Variants in GRM8 observed in about 807,000 individuals in gnomAD.
The protein encoded by GRM8 is glutamate metabotropic receptor 8.
In GRM8, 47 loss-of-function variants were observed where a neutral mutation model predicts 87.2. The observed-to-expected ratio is 0.54, with a 90% CI of 0.43 to 0.69. The LOEUF (loss-of-function observed/expected upper bound fraction) is 0.69. Ranked by LOEUF, GRM8 falls within the 30% of genes least tolerant of loss-of-function variation. The pLI is 0.00. For missense variants in GRM8, 1,019 were observed against 1,139.2 expected (o/e 0.89, Z 1.52); for synonymous variants, 396 against 404.5 (o/e 0.98, Z 0.25).
chr7:126,483,110 T>C (rs1216173785), intron 9 of GRM8, among the ~76,000 whole-genome samples: 1 of 147,884 alleles, frequency 6.8e-6, no homozygotes, highest in Non-Finnish European at 1.5e-5. Context: ...TATATAAATA[T>C]ATAACTAAAT....
intron 7 of GRM8, among the ~76,000 whole-genome samples, chr7:126,696,091 G>C (rs1166092766): frequency 6.6e-6 from 1 of 152,176 alleles, no homozygotes; most frequent in Non-Finnish European, 1.5e-5. Flanking sequence ...AAGAAGGCTT[G>C]ATTGAAGGTA....
At chr7:126,552,667 G>T (rs1307233862) in intron 8 of GRM8, among the ~76,000 whole-genome samples, 1 of 151,996 alleles carries the variant, frequency 6.6e-6, no homozygotes, top group Non-Finnish European at 1.5e-5. Context: ...TGTGTTATTT[G>T]TTGGCCAAAG....
intron 6 of GRM8, among the ~76,000 whole-genome samples, chr7:126,801,283 C>A (rs2151707300): frequency 6.6e-6 from 1 of 152,180 alleles, no homozygotes; most frequent in Middle Eastern, 3.4e-3. Context: ...TGCCGCAATG[C>A]CACTTGTAGA....
chr7:126,439,529 T>C (rs1466782007), intron 10 of GRM8, among the ~76,000 whole-genome samples: 1 of 152,142 alleles, frequency 6.6e-6, no homozygotes, highest in Non-Finnish European at 1.5e-5. Context: ...GCACATACAA[T>C]TATATACAGT....
intron 9 of GRM8, among the ~76,000 whole-genome samples, chr7:126,520,601 A>G (rs1013986524): frequency 1.3e-5 from 2 of 152,132 alleles, no homozygotes; most frequent in African/African-American, 4.8e-5. Context: ...GATAAAGAAG[A>G]CAAAGAAACA....
At chr7:127,204,835 G>A (rs1795812118) in intron 2 of GRM8, among the ~76,000 whole-genome samples, 1 of 152,130 alleles carries the variant, frequency 6.6e-6, no homozygotes, top group Non-Finnish European at 1.5e-5. Flanking sequence ...GAAATGAAAA[G>A]GCATGGAGAA....
At chr7:126,962,828 G>A (rs555503769) in intron 3 of GRM8, among the ~76,000 whole-genome samples, 1 of 152,268 alleles carries the variant, frequency 6.6e-6, no homozygotes, top group Non-Finnish European at 1.5e-5. Context: ...TGCCCTATAG[G>A]TCAGATTGTT....
intron 7 of GRM8, chr7:126,701,929 T>C (rs1809977282): frequency 2.5e-6 from 1 of 398,822 alleles, no homozygotes; most frequent in African/African-American, 2.1e-5. Context: ...TGTCTTAGTA[T>C]AATTATTAAT....
At chr7:126,556,088 T>C (rs992840491) in intron 8 of GRM8, among the ~76,000 whole-genome samples, 3 of 152,106 alleles carry the variant, frequency 2.0e-5, no homozygotes, top group African/African-American at 7.2e-5. Context: ...GTTGGATACA[T>C]ATAGTTGAAG....
At chr7:126,655,849 C>T (rs1038496839) in intron 7 of GRM8, among the ~76,000 whole-genome samples, 1 of 152,150 alleles carries the variant, frequency 6.6e-6, no homozygotes, top group Non-Finnish European at 1.5e-5. Flanking sequence ...ATTTCCAAAG[C>T]ATGACACAAG....
intron 6 of GRM8, among the ~76,000 whole-genome samples, chr7:126,841,697 C>T (rs941478975): frequency 5.9e-5 from 9 of 151,476 alleles, no homozygotes; most frequent in South Asian, 4.2e-4. Context: ...GTGCAATCTC[C>T]GCTCACTGCA....
In GRM8 at chr7:126,769,851, A is replaced by G. The variant is rs1455370082; in HGVS notation, c.1357+14T>C. On this transcript the variant is annotated intron_variant, in intron 7 of 10. Coordinates refer to ENST00000339582, the MANE Select transcript of GRM8 (RefSeq NM_000845.3). ...GCTTTTAATGTATTTAGACACACAC[A>G]CGTTGTAACTTACCATTAAAATTTA... 10 of 1,541,488 alleles carry G rather than the reference A, an allele frequency of 6.5e-6. No homozygotes were observed. The highest frequency in any genetic ancestry group is 9.0e-6 in the Non-Finnish European group (10 of 1,114,424).
intron 7 of GRM8, among the ~76,000 whole-genome samples, chr7:126,734,705 AT>A (rs1404187935): frequency 6.6e-6 from 1 of 152,002 alleles, no homozygotes. Context: ...GAAAATACGT[AT>A]TTTTAAAAGT....
At chr7:126,914,935 T>C (rs958278084) in intron 3 of GRM8, among the ~76,000 whole-genome samples, 3 of 152,152 alleles carry the variant, frequency 2.0e-5, no homozygotes, top group African/African-American at 7.2e-5. Flanking sequence ...AGATGCTTTT[T>C]TAAAAAAGAA....
chr7:126,907,932 A>G (rs1215879525), intron 3 of GRM8, among the ~76,000 whole-genome samples: 3 of 152,218 alleles, frequency 2.0e-5, no homozygotes, highest in African/African-American at 7.2e-5. Context: ...TATTGATTTG[A>G]TGTAAGTAGG....
Position 126,598,670 on chromosome 7 carries a change from GA to G in GRM8, c.1494+10691del, listed in dbSNP as rs200463748. Among the ~76,000 whole-genome samples the G allele has an allele frequency of 4.6e-3, 653 of 141,748 alleles. 4 individuals are homozygous for G. Among genetic ancestry groups the G allele is most frequent in the African/African-American group, 0.013 (533 of 40,236 alleles). The allele number at this position is 141,748 out of a possible 152,430, so 93.0% of individuals were successfully genotyped here. A position where few individuals can be genotyped will look rare whatever the true frequency, so the allele number is the denominator to read the frequency against. On this transcript the variant is annotated intron_variant, in intron 8 of 10. Coordinates refer to ENST00000339582, the MANE Select transcript of GRM8 (RefSeq NM_000845.3). ...ATCTATCAGAAAATTAAGTAAAATA[GA>G]AAAAAAAAATCTTAATTACGGCTTT...
At position 127,123,299 on chromosome 7, in the gene GRM8, T is replaced by A. The variant is rs544704824; in HGVS notation, c.511-16587A>T. Among the ~76,000 whole-genome samples, 4 of 152,270 alleles carry A rather than the reference T, an allele frequency of 2.6e-5. No individual in the cohort carries two copies. The East Asian group carries it at 7.7e-4, about 29-fold the overall frequency. On this transcript the variant is annotated intron_variant, in intron 2 of 10. Transcript: ENST00000339582. ...TCCCCTCCAAACCTCACGTTGAAAT[T>A]TCATCCCCAGTGTTGGAGGTGGGGC...
At chr7:127,198,206 G>C (rs1182145213) in intron 2 of GRM8, among the ~76,000 whole-genome samples, 1 of 152,064 alleles carries the variant, frequency 6.6e-6, no homozygotes, top group East Asian at 1.9e-4. Flanking sequence ...TCTGTGTTGG[G>C]AACATTATAA....
chr7:126,791,507 G>A (rs1238144933), intron 6 of GRM8, among the ~76,000 whole-genome samples: 1 of 152,170 alleles, frequency 6.6e-6, no homozygotes, highest in Non-Finnish European at 1.5e-5. Context: ...CACACTCTGG[G>A]TTCTGCACAC....
Sources: allele counts gnomAD v4.1 joint callset (sites outside exome capture counted in the v4.1 genomes callset), GRCh38; gene constraint gnomAD v4.1.1; transcripts MANE v1.5; gene names NCBI Gene and HGNC (gene_info 2026-07-23, HGNC 2026-07-21).